The following SPMIP7 variants were observed in gnomAD, a reference collection of about 807,000 sequenced individuals.
The protein encoded by SPMIP7 is sperm microtubule inner protein 7.
the SPMIP7 span, among the ~76,000 whole-genome samples, chr7:50,148,093 A>C: frequency 6.6e-6 from 1 of 152,208 alleles, no homozygotes; most frequent in Non-Finnish European, 1.5e-5. Flanking sequence ...TCTCCTCTTA[A>C]TATAAGGTCG....
At chr7:50,154,351 C>A in the SPMIP7 span, among the ~76,000 whole-genome samples, 1 of 152,162 alleles carries the variant, frequency 6.6e-6, no homozygotes, top group Non-Finnish European at 1.5e-5. Flanking sequence ...GTTTCTCCTG[C>A]GTGTCTGCTA....
the SPMIP7 span, chr7:50,134,170 C>T: frequency 6.4e-7 from 1 of 1,550,732 alleles, no homozygotes; most frequent in Non-Finnish European, 8.7e-7. Context: ...GAAGAAACAA[C>T]ATTGGAAAAA....
the SPMIP7 span, among the ~76,000 whole-genome samples, chr7:50,103,052 T>TTTA: frequency 2.1e-5 from 3 of 143,830 alleles, no homozygotes; most frequent in Admixed American, 7.0e-5. Flanking sequence ...ATCATATATT[T>TTTA]TATATATATA....
the SPMIP7 span, among the ~76,000 whole-genome samples, chr7:50,138,326 T>G: frequency 6.6e-6 from 1 of 152,134 alleles, no homozygotes; most frequent in African/African-American, 2.4e-5. Context: ...TTTGCAAAAA[T>G]GAAGTTGAAT....
the SPMIP7 span, among the ~76,000 whole-genome samples, chr7:50,105,921 CT>C: frequency 2.0e-5 from 3 of 152,118 alleles, no homozygotes; most frequent in African/African-American, 7.2e-5. Context: ...ACCTTGTTGC[CT>C]TTTTAAAAAA....
the SPMIP7 span, chr7:50,142,381 C>T: frequency 1.3e-5 from 2 of 152,200 alleles, no homozygotes; most frequent in African/African-American, 2.4e-5. Context: ...AACCACTTAA[C>T]TTCAATAAAT....
chr7:50,142,038 A>G, the SPMIP7 span: 1 of 152,128 alleles, frequency 6.6e-6, no homozygotes, highest in Non-Finnish European at 1.5e-5. Context: ...GAGAGGAATC[A>G]CTTTTACACA....
the SPMIP7 span, among the ~76,000 whole-genome samples, chr7:50,157,743 T>C: frequency 6.9e-3 from 1,058 of 152,288 alleles, 12 homozygotes; most frequent in African/African-American, 0.024. Flanking sequence ...GCAAAATTAT[T>C]TCAGGCCACG....
chr7:50,143,725 A>G, the SPMIP7 span, among the ~76,000 whole-genome samples: 1 of 152,362 alleles, frequency 6.6e-6, no homozygotes, highest in Admixed American at 6.5e-5. Flanking sequence ...GTATAGAAAT[A>G]TTAATAACAA....
chr7:50,096,998 G>A, the SPMIP7 span, among the ~76,000 whole-genome samples: 1 of 152,186 alleles, frequency 6.6e-6, no homozygotes, highest in Non-Finnish European at 1.5e-5. Context: ...TGAATTCACT[G>A]ATATTATGAA....
chr7:50,156,204 C>T, the SPMIP7 span, among the ~76,000 whole-genome samples: 2 of 152,160 alleles, frequency 1.3e-5, no homozygotes, highest in African/African-American at 2.4e-5. Flanking sequence ...CTTCCAGGCT[C>T]TTCACATCAA....
chr7:50,127,635 ACTGAT>A, the SPMIP7 span, among the ~76,000 whole-genome samples: 1 of 144,840 alleles, frequency 6.9e-6, no homozygotes, highest in African/African-American at 2.7e-5. Flanking sequence ...ATATATATAT[ACTGAT>A]TAAAAATGGG....
chr7:50,112,933 T>C, the SPMIP7 span, among the ~76,000 whole-genome samples: 1 of 81,874 alleles, frequency 1.2e-5, no homozygotes, highest in African/African-American at 4.2e-5. Context: ...GCTCAGGTCT[T>C]TGGGTACTGA....
chr7:50,148,084 C>T, the SPMIP7 span, among the ~76,000 whole-genome samples: 1 of 152,206 alleles, frequency 6.6e-6, no homozygotes, highest in African/African-American at 2.4e-5. Flanking sequence ...AGAGAGTATT[C>T]TCCTCTTAAT....
the SPMIP7 span, chr7:50,096,076 G>T: frequency 1.4e-6 from 2 of 1,452,368 alleles, no homozygotes; most frequent in Non-Finnish European, 1.8e-6. Context: ...AAATTCTAAA[G>T]AAAAAGGCCA....
At chr7:50,128,845 T>A in the SPMIP7 span, among the ~76,000 whole-genome samples, 1 of 151,970 alleles carries the variant, frequency 6.6e-6, no homozygotes, top group African/African-American at 2.4e-5. Context: ...GTATAACAAG[T>A]CCTGAGCCAG....
At chr7:50,134,639 A>G in the SPMIP7 span, among the ~76,000 whole-genome samples, 1 of 152,220 alleles carries the variant, frequency 6.6e-6, no homozygotes, top group Admixed American at 6.5e-5. Context: ...CAGGATCTAG[A>G]TCTTAGCTCT....
At chr7:50,096,506 C>A in the SPMIP7 span, 1 of 1,551,722 alleles carries the variant, frequency 6.4e-7, no homozygotes, top group South Asian at 1.2e-5. Context: ...ACCTCAACAT[C>A]GAGTTCCCAG....
the SPMIP7 span, among the ~76,000 whole-genome samples, chr7:50,104,733 C>T: frequency 6.6e-6 from 1 of 152,186 alleles, no homozygotes; most frequent in Non-Finnish European, 1.5e-5. Context: ...GAAAGGCTAA[C>T]AGCCACCAGA....
Sources: gnomAD v4.1 joint callset for allele counts (sites outside exome capture counted in the v4.1 genomes callset) on GRCh38, gnomAD v4.1.1 for gene constraint, MANE v1.5 for transcripts, NCBI Gene and HGNC (gene_info 2026-07-23, HGNC 2026-07-21) for gene names.